The following RGS5 variants were observed in gnomAD, a reference collection of about 807,000 sequenced individuals.
The protein encoded by RGS5 is regulator of G protein signaling 5, also known as regulator of G-protein signalling 5.
A neutral mutation model predicts 18.9 loss-of-function variants in RGS5; 20 were observed. The ratio of observed to expected loss-of-function variants is 1.06; its 90% CI spans 0.74 to 1.54. The LOEUF (loss-of-function observed/expected upper bound fraction) is 1.54. Among genes scored for constraint, RGS5 ranks in the 40% most tolerant of loss-of-function variants. The probability of loss-of-function intolerance (pLI) is 0.00; values close to 1 mark genes in which losing one functional copy is unlikely to be tolerated. For missense variants in RGS5, 201 were observed against 211.8 expected (o/e 0.95, Z 0.32); for synonymous variants, 57 against 76.2 (o/e 0.75, Z 1.31).
chr1:163,276,877 C>T (rs1008898723), intron 2 of RGS5, among the ~76,000 whole-genome samples: 15 of 152,286 alleles, frequency 9.8e-5, no homozygotes, highest in Admixed American at 2.6e-4. Flanking sequence ...CCCCTCCTCT[C>T]GGCCAAGGGC....
chr1:163,285,594 T>A (rs1432412343), intron 2 of RGS5, among the ~76,000 whole-genome samples: 2 of 151,878 alleles, frequency 1.3e-5, no homozygotes, highest in Non-Finnish European at 2.9e-5. Flanking sequence ...TATAAAAATA[T>A]ATAAAAACAT....
intron 1 of RGS5, among the ~76,000 whole-genome samples, chr1:163,173,938 G>C (rs111578062): frequency 6.6e-6 from 1 of 152,064 alleles, no homozygotes; most frequent in Non-Finnish European, 1.5e-5. Flanking sequence ...TTAGCCAAGC[G>C]TGGTGGCAGG....
At chr1:163,173,252 G>A (rs1244307492) in intron 1 of RGS5, among the ~76,000 whole-genome samples, 2 of 151,860 alleles carry the variant, frequency 1.3e-5, no homozygotes, top group Non-Finnish European at 2.9e-5. Context: ...TTATTCTTTT[G>A]TTTTACAAAG....
chr1:163,262,803 A>G (rs1553224900), intron 2 of RGS5, among the ~76,000 whole-genome samples: 1 of 151,658 alleles, frequency 6.6e-6, no homozygotes, highest in Non-Finnish European at 1.5e-5. Flanking sequence ...ATTTCTCCAC[A>G]TCCTCTCCAG....
At chr1:163,204,444 G>C (rs1050579001), upstream of RGS5, among the ~76,000 whole-genome samples, 1 of 151,888 alleles carries the variant, frequency 6.6e-6, no homozygotes, top group African/African-American at 2.4e-5. Flanking sequence ...CAAACTCCTG[G>C]GCACAAGCGA....
chr1:163,257,209 TA>T (rs1255612195), intron 2 of RGS5, among the ~76,000 whole-genome samples: 1 of 152,074 alleles, frequency 6.6e-6, no homozygotes, highest in African/African-American at 2.4e-5. Context: ...AGATATGTAC[TA>T]GGGGTGATTT....
At chr1:163,223,117 A>T (rs1571302370) in intron 2 of RGS5, among the ~76,000 whole-genome samples, 1 of 152,088 alleles carries the variant, frequency 6.6e-6, no homozygotes, top group Non-Finnish European at 1.5e-5. Flanking sequence ...AGTGCTGGGA[A>T]TACAGACATG....
chr1:163,251,243 T>C (rs1448925340), intron 2 of RGS5, among the ~76,000 whole-genome samples: 1 of 152,184 alleles, frequency 6.6e-6, no homozygotes, highest in African/African-American at 2.4e-5. Flanking sequence ...GTGAAGAATA[T>C]TGGTTTCTCA....
chr1:163,237,691 G>GAA (rs111744299), intron 2 of RGS5: 2,587 of 150,478 alleles, frequency 0.017, 44 homozygotes, highest in South Asian at 0.052. Context: ...AAAGAAGAAG[G>GAA]AAAAAAAAAG....
chr1:163,191,700 T>G (rs1659364327), intron 1 of RGS5, among the ~76,000 whole-genome samples: 1 of 152,170 alleles, frequency 6.6e-6, no homozygotes, highest in Non-Finnish European at 1.5e-5. Context: ...CTGACCCTGG[T>G]TCTTTACACA....
At chr1:163,279,705 C>G (rs1648942866) in intron 2 of RGS5, among the ~76,000 whole-genome samples, 1 of 151,334 alleles carries the variant, frequency 6.6e-6, no homozygotes, top group African/African-American at 2.4e-5. Flanking sequence ...AAACACAAAA[C>G]AAAAGATAAA....
intron 1 of RGS5, among the ~76,000 whole-genome samples, chr1:163,320,055 C>G (rs993824645): frequency 1.3e-5 from 2 of 152,066 alleles, no homozygotes; most frequent in African/African-American, 4.8e-5. Context: ...ATATTAACCC[C>G]CAAATAAACA....
intron 1 of RGS5, among the ~76,000 whole-genome samples, chr1:163,168,810 G>A (rs1658170629): frequency 6.6e-6 from 1 of 152,056 alleles, no homozygotes. Flanking sequence ...TCTTCTGAGG[G>A]CTCTGGTCTT....
chr1:163,155,642 C>T (rs1016261642), intron 3 of RGS5, among the ~76,000 whole-genome samples: 6 of 152,122 alleles, frequency 3.9e-5, no homozygotes, highest in Non-Finnish European at 1.5e-5. Flanking sequence ...CTGCGGACAA[C>T]CTATTGGGTC....
chr1:163,217,854 C>G (rs1396748479), upstream of RGS5, among the ~76,000 whole-genome samples: 1 of 152,052 alleles, frequency 6.6e-6, no homozygotes, highest in Admixed American at 6.6e-5. Context: ...TGTAAACTAA[C>G]AGAGAGAAAA....
At chr1:163,147,918 C>CTTTTTTTTCTTTTTTTTTTTTTTTTTTT (rs3065035) in intron 4 of RGS5, among the ~76,000 whole-genome samples, 19 of 78,094 alleles carry the variant, frequency 2.4e-4, no homozygotes, top group African/African-American at 4.6e-4. Context: ...TTTTCTTTTT[C>CTTTTTTTTCTTTTTTTTTTTTTTTTTTT]TTTTTTTTTT....
intron 1 of RGS5, among the ~76,000 whole-genome samples, chr1:163,177,090 G>T (rs182034565): frequency 4.7e-4 from 71 of 152,294 alleles, no homozygotes; most frequent in African/African-American, 1.6e-3. Flanking sequence ...ACGTAGGCTT[G>T]TTCATTAGAT....
At position 163,147,287 on chromosome 1, in the gene RGS5, A is replaced by C; in HGVS notation, c.*55T>G. 1 of 1,499,532 alleles carries C rather than the reference A, an allele frequency of 6.7e-7. No individual in the cohort carries two copies. 92.9% of individuals were successfully genotyped at this position (1,499,532 alleles called of 1,614,324 possible). ...AGATATGTAGATTAATGGGAAATGCAGGGTTATTATGGAGGAAATAACTCA... is the reference window on the plus strand; with the variant it reads ...AGATATGTAGATTAATGGGAAATGCCGGGTTATTATGGAGGAAATAACTCA... On this transcript the variant is annotated 3_prime_UTR_variant, in exon 5 of 5. Coordinates refer to ENST00000313961, the MANE Select transcript of RGS5 (RefSeq NM_003617.4).
intron 1 of RGS5, among the ~76,000 whole-genome samples, chr1:163,210,338 T>G (rs56291815): frequency 0.11 from 16,799 of 152,296 alleles, 1,250 homozygotes; most frequent in South Asian, 0.18. Flanking sequence ...TTATCAATTA[T>G]TTCTGAATTA....
Sources: allele counts gnomAD v4.1 joint callset (sites outside exome capture counted in the v4.1 genomes callset), GRCh38; gene constraint gnomAD v4.1.1; transcripts MANE v1.5; gene names NCBI Gene and HGNC (gene_info 2026-07-23, HGNC 2026-07-21).